FOXN2: variants seen among roughly 807,000 people sequenced by gnomAD.
FOXN2 encodes forkhead box N2.
In FOXN2, 19 loss-of-function variants were observed where a neutral mutation model predicts 41.2. That is an observed-to-expected ratio of 0.46 (90% CI 0.32 to 0.68). The LOEUF (loss-of-function observed/expected upper bound fraction) is 0.68. Ranked by LOEUF, FOXN2 falls within the 30% of genes least tolerant of loss-of-function variation. FOXN2 has a pLI of 0.03. For synonymous variants in FOXN2, 195 were observed against 176.8 expected (o/e 1.10, Z -0.82); for missense variants, 587 against 509.4 (o/e 1.15, Z -1.47).
At chr2:48,315,255 C>T (rs1250282987) in intron 1 of FOXN2, among the ~76,000 whole-genome samples, 1 of 152,150 alleles carries the variant, frequency 6.6e-6, no homozygotes, top group African/African-American at 2.4e-5. Context: ...TTGCAACGCC[C>T]CCTCCTCTGG....
chr2:48,355,729 T>C (rs1671752238), intron 3 of FOXN2, among the ~76,000 whole-genome samples: 2 of 152,144 alleles, frequency 1.3e-5, no homozygotes, highest in African/African-American at 4.8e-5. Flanking sequence ...ATAATCCCAA[T>C]AGGAGGCAGA....
Position 48,366,589 on chromosome 2 carries a change from A to G in FOXN2, c.703+3882A>G, listed in dbSNP as rs1672551429. ...AGTTTAAGAGCTTATTTAGCATAAT[A>G]AGGACTTTGAACATCCTCCTCTGCC... On this transcript the variant is annotated intron_variant, in intron 5 of 6. Transcript: ENST00000340553. Among the ~76,000 whole-genome samples the G allele has an allele frequency of 3.3e-5, 5 of 152,102 alleles. No homozygotes were observed. In the South Asian group the frequency reaches 1.0e-3, roughly 32 times the overall value.
chr2:48,365,132 C>T (rs1172323381), intron 5 of FOXN2, among the ~76,000 whole-genome samples: 1 of 152,002 alleles, frequency 6.6e-6, no homozygotes, highest in Non-Finnish European at 1.5e-5. Context: ...AGATGAAAAC[C>T]TTTCTGTGTA....
chr2:48,338,654 C>T lies in FOXN2; in HGVS notation c.-14-7547C>T, dbSNP rs1670531821. Among the ~76,000 whole-genome samples, 2 of 152,150 alleles carry T rather than the reference C, an allele frequency of 1.3e-5. 1 individual carries two copies. Among genetic ancestry groups the T allele is most frequent in the Admixed American group, 1.3e-4 (2 of 15,280 alleles). On this transcript the variant is annotated intron_variant, in intron 2 of 6. Coordinates refer to ENST00000340553, the MANE Select transcript of FOXN2 (RefSeq NM_002158.4). ...GACCTCATGATCCGCCCGCCTCTGC[C>T]TCCCAAAGTGCTGAGATTACAGGCA...
At chr2:48,352,696 A>G (rs1225701755) in intron 3 of FOXN2, among the ~76,000 whole-genome samples, 1 of 152,180 alleles carries the variant, frequency 6.6e-6, no homozygotes. Flanking sequence ...TCAGCTAGAA[A>G]TCTGAGTCAT....
At chr2:48,330,444 A>G (rs1669956790) in intron 2 of FOXN2, among the ~76,000 whole-genome samples, 1 of 152,222 alleles carries the variant, frequency 6.6e-6, no homozygotes, top group Non-Finnish European at 1.5e-5. Context: ...ATAGCTCTGT[A>G]GCAGACATTT....
chr2:48,340,951 T>G lies in FOXN2; in HGVS notation c.-14-5250T>G, dbSNP rs537785210. The G allele has an allele frequency of 5.9e-5, 9 of 152,350 alleles. 1 individual carries two copies. The highest frequency in any genetic ancestry group is 1.7e-4 in the African/African-American group (7 of 41,584). The allele number at this position is 152,350 out of a possible 1,614,324, so 9.4% of individuals were successfully genotyped here. ...TGTATAGTACATTTATCTACTTTTTTGGATAGCAGTGTCTTGGCTTAGAAA... is the reference window on the plus strand; with the variant it reads ...TGTATAGTACATTTATCTACTTTTTGGGATAGCAGTGTCTTGGCTTAGAAA... On this transcript the variant is annotated intron_variant, in intron 2 of 6. Coordinates refer to ENST00000340553, the MANE Select transcript of FOXN2 (RefSeq NM_002158.4).
intron 3 of FOXN2, among the ~76,000 whole-genome samples, chr2:48,353,895 C>T (rs904540898): frequency 1.4e-4 from 21 of 151,492 alleles, no homozygotes; most frequent in Admixed American, 3.9e-4. Flanking sequence ...ATGTAGTCTC[C>T]GTTTAAATTT....
intron 1 of FOXN2, among the ~76,000 whole-genome samples, chr2:48,318,888 G>C (rs906343660): frequency 6.6e-6 from 1 of 152,084 alleles, no homozygotes. Context: ...ATAAATAAAA[G>C]CTTGAGTAAA....
At chr2:48,339,589 G>T (rs1471048266) in intron 2 of FOXN2, among the ~76,000 whole-genome samples, 1 of 152,126 alleles carries the variant, frequency 6.6e-6, no homozygotes, top group Non-Finnish European at 1.5e-5. Context: ...TGTAGAAACG[G>T]ACTAATACAG....
intron 5 of FOXN2, among the ~76,000 whole-genome samples, chr2:48,368,552 C>T (rs538132056): frequency 1.3e-5 from 2 of 152,116 alleles, no homozygotes; most frequent in South Asian, 2.1e-4. Flanking sequence ...ATTAGCCGGG[C>T]GTGGTGGTAC....
At chr2:48,370,599 T>C (rs180709553) in intron 5 of FOXN2, among the ~76,000 whole-genome samples, 1 of 152,354 alleles carries the variant, frequency 6.6e-6, no homozygotes, top group Non-Finnish European at 1.5e-5. Context: ...TATGTCTTCT[T>C]TTGAGCAATG....
intron 3 of FOXN2, 78 bp from the exon 4 acceptor site, chr2:48,358,969 G>C: frequency 9.1e-7 from 1 of 1,095,176 alleles, no homozygotes; most frequent in South Asian, 1.4e-5. Context: ...ATTTACCCCT[G>C]CACATTTATT....
At chr2:48,314,951 C>T (rs951345774) in intron 1 of FOXN2, 137 bp downstream of exon 1, 40 of 152,112 alleles carry the variant, frequency 2.6e-4, no homozygotes, top group African/African-American at 9.4e-4. Flanking sequence ...CGTGACGCGC[C>T]CGGACATTTT....
chr2:48,369,509 G>C (rs954950673), intron 5 of FOXN2, among the ~76,000 whole-genome samples: 31 of 152,190 alleles, frequency 2.0e-4, no homozygotes, highest in Non-Finnish European at 1.2e-4. Flanking sequence ...TTGCACTCCA[G>C]CCTGGACGAC....
chr2:48,368,401 G>A (rs917963013), intron 5 of FOXN2, among the ~76,000 whole-genome samples: 1 of 152,098 alleles, frequency 6.6e-6, no homozygotes, highest in African/African-American at 2.4e-5. Flanking sequence ...TTGGCTGAAC[G>A]CGGTGGTTCA....
At chr2:48,347,231 T>G (rs577225067) in intron 3 of FOXN2, among the ~76,000 whole-genome samples, 87 of 121,928 alleles carry the variant, frequency 7.1e-4, no homozygotes, top group Non-Finnish European at 9.1e-4. Flanking sequence ...TTTTTTTTTT[T>G]TTTTTTTTTT....
chr2:48,353,595 TG>T (rs1671596981), intron 3 of FOXN2, among the ~76,000 whole-genome samples: 1 of 120,870 alleles, frequency 8.3e-6, no homozygotes, highest in Admixed American at 7.6e-5. Flanking sequence ...TGTGTGTGTG[TG>T]TGTGTGTGTG....
chr2:48,369,418 A>G (rs1672743015), intron 5 of FOXN2, among the ~76,000 whole-genome samples: 1 of 152,122 alleles, frequency 6.6e-6, no homozygotes, highest in Non-Finnish European at 1.5e-5. Flanking sequence ...AGTGCCTGTA[A>G]TCCCAGCTAC....
Sources: gnomAD v4.1 joint callset for allele counts (sites outside exome capture counted in the v4.1 genomes callset) on GRCh38, gnomAD v4.1.1 for gene constraint, MANE v1.5 for transcripts, NCBI Gene and HGNC (gene_info 2026-07-23, HGNC 2026-07-21) for gene names.